The following ZNF407 variants were observed in gnomAD, a reference collection of about 807,000 sequenced individuals.
The protein encoded by ZNF407 is zinc finger protein 407.
ZNF407 carries 17 observed loss-of-function variants against 131.2 expected under a neutral mutation model. The observed-to-expected ratio is 0.13, with a 90% CI of 0.09 to 0.19. The LOEUF is 0.19. Among genes scored for constraint, ZNF407 ranks in the 10% least tolerant of loss-of-function variants. The pLI is 1.00. For synonymous variants in ZNF407, 1,156 were observed against 1,062.0 expected (o/e 1.09, Z -1.72); for missense variants, 2,681 against 2,830.6 (o/e 0.95, Z 1.20).
chr18:74,785,593 C>G (rs1201512031), intron 4 of ZNF407, among the ~76,000 whole-genome samples: 2 of 152,186 alleles, frequency 1.3e-5, no homozygotes, highest in Non-Finnish European at 2.9e-5. Context: ...TCCTTTTTCT[C>G]TATTTTCTCA....
chr18:74,904,644 G>C (rs1191181139), intron 7 of ZNF407, among the ~76,000 whole-genome samples: 1 of 152,206 alleles, frequency 6.6e-6, no homozygotes, highest in Non-Finnish European at 1.5e-5. Flanking sequence ...TTTCTATGGA[G>C]TGGAGGGTAG....
intron 4 of ZNF407, among the ~76,000 whole-genome samples, chr18:74,788,858 T>C (rs907537769): frequency 1.5e-4 from 23 of 150,464 alleles, no homozygotes; most frequent in African/African-American, 5.3e-4. Context: ...TTGAATATTA[T>C]ATATTTTTTA....
intron 4 of ZNF407, among the ~76,000 whole-genome samples, chr18:74,807,136 G>A (rs1261819571): frequency 1.3e-5 from 2 of 152,084 alleles, no homozygotes; most frequent in Non-Finnish European, 2.9e-5. Flanking sequence ...AAGGCTTTTC[G>A]GGCAAATTAG....
chr18:74,636,521 TAATA>T (rs138126721), intron 2 of ZNF407, among the ~76,000 whole-genome samples: 2 of 152,362 alleles, frequency 1.3e-5, no homozygotes, highest in African/African-American at 4.8e-5. Context: ...TGGATTTGAA[TAATA>T]AATTCACATT....
intron 3 of ZNF407, among the ~76,000 whole-genome samples, chr18:74,755,765 C>CTTTCTTTCTTTCTTTA (rs1568199861): frequency 3.3e-5 from 4 of 119,568 alleles, no homozygotes; most frequent in Non-Finnish European, 3.2e-5. Context: ...TTCTTTCTTT[C>CTTTCTTTCTTTCTTTA]TTTCTTTCTC....
chr18:74,757,952 G>A (rs1345611342), intron 3 of ZNF407, among the ~76,000 whole-genome samples: 8 of 152,006 alleles, frequency 5.3e-5, no homozygotes, highest in Admixed American at 3.3e-4. Context: ...TAGCCGCTGC[G>A]GCTTTCTTTT....
chr18:74,990,839 CTT>C (rs1354859014), intron 8 of ZNF407, among the ~76,000 whole-genome samples: 1 of 152,158 alleles, frequency 6.6e-6, no homozygotes, highest in South Asian at 2.1e-4. Context: ...GCAATCTGTT[CTT>C]TTGTGTATTT....
rs1485082957 is a variant in ZNF407, at chr18:75,048,793, C to T, written c.5429-14357C>T. ...ATATATTTGCAAATAACATATTTTG[C>T]TTGTGAACAGTTATGATTCCTAAAA... On this transcript the variant is annotated intron_variant, in intron 8 of 8. Transcript: ENST00000299687. This position sits in a 1 kb window ranked among gnomAD's most constrained non-coding sequence, Gnocchi z 4.1. Among the ~76,000 whole-genome samples the T allele has an allele frequency of 6.6e-6, 1 of 152,164 alleles. No individual in the cohort carries two copies.
At chr18:74,855,576 A>T (rs922116754) in intron 4 of ZNF407, among the ~76,000 whole-genome samples, 4 of 152,218 alleles carry the variant, frequency 2.6e-5, no homozygotes, top group Non-Finnish European at 5.9e-5. Context: ...TAAAAGAATA[A>T]CAATATGAAT....
chr18:74,970,739 A>G (rs1012698719), intron 8 of ZNF407, among the ~76,000 whole-genome samples: 2 of 152,174 alleles, frequency 1.3e-5, no homozygotes, highest in African/African-American at 4.8e-5. Flanking sequence ...GCACGGTTCA[A>G]GCTGTCAGTG....
At position 74,756,044 on chromosome 18, in the gene ZNF407, C is replaced by G. The variant is rs542016316; in HGVS notation, c.4803-25384C>G. 3.3e-5 allele frequency among the ~76,000 whole-genome samples: 5 copies of G among 151,362 alleles called. No individual in the cohort carries two copies. In the South Asian group the frequency reaches 1.0e-3, roughly 32 times the overall value. On this transcript the variant is annotated intron_variant, in intron 3 of 8. Coordinates refer to ENST00000299687, the MANE Select transcript of ZNF407 (RefSeq NM_017757.3). Reference sequence around the variant, plus strand: ...TAGTAGCTGGGATTGCAGGTGCGCACCACCACACCCGGCTGATTTTTGTAT... The same window carrying G: ...TAGTAGCTGGGATTGCAGGTGCGCAGCACCACACCCGGCTGATTTTTGTAT...
At chr18:74,741,296 A>C (rs1162122288) in intron 3 of ZNF407, among the ~76,000 whole-genome samples, 3 of 152,190 alleles carry the variant, frequency 2.0e-5, no homozygotes, top group Admixed American at 6.5e-5. Context: ...TCGTGTGTGA[A>C]TGTGTGTATA....
At chr18:74,891,888 AT>A (rs1389377441) in intron 7 of ZNF407, among the ~76,000 whole-genome samples, 2 of 151,616 alleles carry the variant, frequency 1.3e-5, no homozygotes, top group African/African-American at 2.4e-5. Flanking sequence ...TTGGCGGGGG[AT>A]TTTTTTGTTT....
chr18:75,061,353 T>G (rs4891223), intron 8 of ZNF407: 117,472 of 152,040 alleles, frequency 0.77, 47,095 homozygotes, highest in East Asian at 0.9. Context: ...GATGGAAAAT[T>G]GGGATTTAAA....
chr18:74,656,609 G>A (rs770774650), intron 3 of ZNF407, among the ~76,000 whole-genome samples: 1 of 152,066 alleles, frequency 6.6e-6, no homozygotes, highest in Non-Finnish European at 1.5e-5. Context: ...GGAGCACCTG[G>A]CCAGGCTAAG....
At chr18:74,817,655 ATGAG>A (rs1351823610) in intron 4 of ZNF407, among the ~76,000 whole-genome samples, 1 of 152,184 alleles carries the variant, frequency 6.6e-6, no homozygotes, top group Non-Finnish European at 1.5e-5. Flanking sequence ...TTTTCAATAA[ATGAG>A]TATCTATTTT....
chr18:74,847,618 A>G (rs1391129187), intron 4 of ZNF407, among the ~76,000 whole-genome samples: 2 of 152,134 alleles, frequency 1.3e-5, no homozygotes, highest in Non-Finnish European at 1.5e-5. Context: ...AGCACCTCCT[A>G]CTATAGCCTT....
At chr18:74,976,078 CA>C (rs1972525367) in intron 8 of ZNF407, among the ~76,000 whole-genome samples, 1 of 152,110 alleles carries the variant, frequency 6.6e-6, no homozygotes, top group Non-Finnish European at 1.5e-5. Context: ...GCTGCTTTTA[CA>C]AAGATAGATG....
intron 7 of ZNF407, among the ~76,000 whole-genome samples, chr18:74,895,619 T>C (rs1485443958): frequency 1.3e-5 from 2 of 152,244 alleles, no homozygotes; most frequent in Admixed American, 6.5e-5. Context: ...TTTAAACATA[T>C]ATTTATCTAA....
Sources: allele counts gnomAD v4.1 joint callset (sites outside exome capture counted in the v4.1 genomes callset), GRCh38; gene constraint gnomAD v4.1.1; non-coding constraint Gnocchi (gnomAD v3.1); transcripts MANE v1.5; gene names NCBI Gene and HGNC (gene_info 2026-07-23, HGNC 2026-07-21).